Variants in CCDC180 observed in about 807,000 individuals in gnomAD.
CCDC180 encodes the protein coiled-coil domain-containing protein 180.
Under a neutral mutation model 209.2 loss-of-function variants are expected in CCDC180, and 154 were observed. The observed-to-expected ratio is 0.74, with a 90% CI of 0.65 to 0.84. The LOEUF is 0.84. Ranked by LOEUF, CCDC180 falls within the 40% of genes least tolerant of loss-of-function variation. The pLI is 0.00. For synonymous variants in CCDC180, 778 were observed against 749.1 expected (o/e 1.04, Z -0.63); for missense variants, 1,874 against 1,997.3 (o/e 0.94, Z 1.18).
At position 97,354,970 on chromosome 9, in the gene CCDC180, C is replaced by T. The variant is rs537298055; in HGVS notation, c.3226C>T (p.Arg1076Trp). The T allele has an allele frequency of 1.1e-5, 17 of 1,613,478 alleles. No homozygotes were observed. Among genetic ancestry groups the T allele is most frequent in the Admixed American group, 6.7e-5 (4 of 60,000 alleles). ...VDLIFIEKIQ[R>W]LLTNLQVKIK... ...CCTTATTTTCATAGAGAAAATCCAG[C>T]GGTTGCTGACGAATCTGCAAGTGAA... Residue 1076 changes from arginine (R) to tryptophan (W), a missense_variant, in exon 24 of 37, where the codon CGG (arginine) becomes TGG (tryptophan). Arg to Trp is a moderately radical substitution (Grantham distance 101). Coordinates refer to ENST00000529487, the MANE Select transcript of CCDC180 (RefSeq NM_020893.6).
Position 97,366,463 on chromosome 9 carries a change from A to ATCCAC in CCDC180, c.4048-96_4048-95insTCCAC. ...ACAGGGGATGCCACGAGCAAAGGCT[A>ATCCAC]GGGAGTGTGGAGGTGAGGGCAGGCT... On this transcript the variant is annotated intron_variant, in intron 30 of 36. Transcript: ENST00000529487. This position sits in a 1 kb window ranked among gnomAD's most constrained non-coding sequence, Gnocchi z 4.3. The ATCCAC allele has an allele frequency of 1.6e-6, 2 of 1,270,038 alleles. No homozygotes were observed. The highest frequency in any genetic ancestry group is 2.2e-6 in the Non-Finnish European group (2 of 902,222). The allele number at this position is 1,270,038 out of a possible 1,614,324, so 78.7% of individuals were successfully genotyped here. A position where few individuals can be genotyped will look rare whatever the true frequency, so the allele number is the denominator to read the frequency against.
intron 19 of CCDC180, among the ~76,000 whole-genome samples, chr9:97,344,980 AACTC>A (rs2118788377): frequency 6.6e-6 from 1 of 152,344 alleles, no homozygotes; most frequent in East Asian, 1.9e-4. Context: ...AGTCATACAG[AACTC>A]ACTCTTTTAT....
At chr9:97,362,980 G>A (rs993544670) in intron 28 of CCDC180, among the ~76,000 whole-genome samples, 4 of 152,230 alleles carry the variant, frequency 2.6e-5, no homozygotes, top group African/African-American at 4.8e-5. Flanking sequence ...ACAAAGACCA[G>A]CCACATGAGA....
At chr9:97,317,896 G>T (rs182919654) in intron 9 of CCDC180, among the ~76,000 whole-genome samples, 2 of 152,184 alleles carry the variant, frequency 1.3e-5, no homozygotes, top group Non-Finnish European at 2.9e-5. Flanking sequence ...ACCAGATACT[G>T]CATGGAAAGT....
chr9:97,312,974 A>G (rs925773984), intron 4 of CCDC180, among the ~76,000 whole-genome samples: 16 of 151,994 alleles, frequency 1.1e-4, no homozygotes, highest in Non-Finnish European at 1.9e-4. Context: ...ATTTGCTTCC[A>G]TAGAACTTTT....
intron 10 of CCDC180, 82 bp downstream of exon 10, chr9:97,318,664 C>T: frequency 6.4e-7 from 1 of 1,556,824 alleles, no homozygotes; most frequent in Non-Finnish European, 8.7e-7. Flanking sequence ...GTCTGTCCCC[C>T]AAGGCATCCT....
At chr9:97,325,300 G>A (rs1564153017) in intron 14 of CCDC180, 108 bp downstream of exon 14, 2 of 1,157,032 alleles carry the variant, frequency 1.7e-6, no homozygotes, top group Non-Finnish European at 2.4e-6. Flanking sequence ...TGTGCAGATG[G>A]GGACATTGAG....
intron 19 of CCDC180, 138 bp downstream of exon 19, chr9:97,343,701 G>C (rs928495227): frequency 1.5e-6 from 1 of 676,660 alleles, no homozygotes; most frequent in African/African-American, 1.8e-5. Context: ...GAAGGTAGGG[G>C]TGAGAAACAC....
At chr9:97,327,043 C>G (rs1177668007) in intron 15 of CCDC180, among the ~76,000 whole-genome samples, 1 of 152,088 alleles carries the variant, frequency 6.6e-6, no homozygotes, top group Non-Finnish European at 1.5e-5. Context: ...GTGGCAGGTC[C>G]CTGTAATCCC....
chr9:97,365,432 G>A (rs78517878), intron 29 of CCDC180: 12,773 of 480,256 alleles, frequency 0.027, 232 homozygotes, highest in Non-Finnish European at 0.036. Flanking sequence ...CAGGTGGTCA[G>A]AAATTGCAGC....
chr9:97,359,899 C>T lies in CCDC180; in HGVS notation c.3364-83C>T. 7.1e-6 allele frequency: 11 copies of T among 1,556,264 alleles called. 1 individual carries two copies. In the South Asian group the frequency reaches 1.3e-4, roughly 19 times the overall value. On this transcript the variant is annotated intron_variant, in intron 25 of 36. Coordinates refer to ENST00000529487, the MANE Select transcript of CCDC180 (RefSeq NM_020893.6). ...AAGAGGTATCCTCATCAGCCCAGCC[C>T]CTGTTCCCGCACTTCCCACAGAATC...
At chr9:97,362,553 A>C in intron 28 of CCDC180, 112 bp downstream of exon 28, 51 of 1,471,530 alleles carry the variant, frequency 3.5e-5, no homozygotes, top group Non-Finnish European at 4.2e-5. Context: ...CACAATGCTC[A>C]TGGCTCTGGG....
At chr9:97,329,174 A>C (rs1825652985) in intron 16 of CCDC180, among the ~76,000 whole-genome samples, 2 of 152,224 alleles carry the variant, frequency 1.3e-5, no homozygotes, top group South Asian at 4.1e-4. Context: ...ACCTAGGTTG[A>C]GAGGGAAGCT....
chr9:97,341,299 C>T (rs1826070663), intron 18 of CCDC180, among the ~76,000 whole-genome samples: 2 of 152,176 alleles, frequency 1.3e-5, no homozygotes, highest in Admixed American at 6.5e-5. Flanking sequence ...ATCTCTTTGT[C>T]TTGTGTCTTT....
At chr9:97,315,310 G>C (rs975053061) in intron 8 of CCDC180, among the ~76,000 whole-genome samples, 5 of 152,090 alleles carry the variant, frequency 3.3e-5, no homozygotes, top group Non-Finnish European at 5.9e-5. Flanking sequence ...GAGTCATCGG[G>C]GGGCTACGGT....
intron 18 of CCDC180, among the ~76,000 whole-genome samples, chr9:97,333,340 T>C (rs972577889): frequency 1.3e-5 from 2 of 152,130 alleles, no homozygotes; most frequent in Admixed American, 1.3e-4. Flanking sequence ...TTGTTTGTTG[T>C]GTTTCTGCCA....
chr9:97,343,376 T>C lies in CCDC180; in HGVS notation c.2311T>C (p.Tyr771His), dbSNP rs1826145838. Reference protein sequence around the residue: ...DKEEGLEEIYYEDMESFTISS... With the variant: ...DKEEGLEEIYHEDMESFTISS... Reference sequence around the variant, plus strand: ...GGAAGAGGGTCTAGAGGAGATATACTATGAGGACATGGAGTCCTTCACAAT... The same window carrying C: ...GGAAGAGGGTCTAGAGGAGATATACCATGAGGACATGGAGTCCTTCACAAT... The change falls in exon 19 of 37, where the codon TAT becomes CAT. Residue 771 changes from tyrosine to histidine, a missense_variant. Coordinates refer to ENST00000529487, the MANE Select transcript of CCDC180 (RefSeq NM_020893.6). 6.2e-7 allele frequency: 1 copy of C among 1,612,956 alleles called. No homozygotes were observed. Among genetic ancestry groups the C allele is most frequent in the East Asian group, 2.2e-5 (1 of 44,880 alleles).
chr9:97,375,717 C>A, intron 36 of CCDC180, 128 bp downstream of exon 36: 1 of 1,108,592 alleles, frequency 9.0e-7, no homozygotes, highest in Non-Finnish European at 1.3e-6. Flanking sequence ...TGTCAGCACA[C>A]CCCAGAGCTG....
At position 97,370,065 on chromosome 9, in the gene CCDC180, C is replaced by A; in HGVS notation, c.4333C>A (p.Arg1445=). 6.2e-7 allele frequency: 1 copy of A among 1,613,820 alleles called. No individual in the cohort carries two copies. The highest frequency in any genetic ancestry group is 8.5e-7 in the Non-Finnish European group (1 of 1,179,910). ...AGGACAGTTCGAGGAACAGCAGAAGCGGCTGGAGAAAAGAAAGGTGAGGGC... is the reference window on the plus strand; with the variant it reads ...AGGACAGTTCGAGGAACAGCAGAAGAGGCTGGAGAAAAGAAAGGTGAGGGC... The part of the protein sequence containing the change: ...IRGQFEEQQK[R]LEKRKDKNAQ... The change falls in exon 32 of 37, where the codon CGG becomes AGG. Residue 1445 remains arginine, a synonymous_variant. Transcript: ENST00000529487.
Sources: gnomAD v4.1 joint callset for allele counts (sites outside exome capture counted in the v4.1 genomes callset) on GRCh38, gnomAD v4.1.1 for gene constraint, Gnocchi (gnomAD v3.1) non-coding constraint, MANE v1.5 for transcripts, NCBI Gene and HGNC (gene_info 2026-07-23, HGNC 2026-07-21) for gene names.